NFATC1: variants seen among roughly 807,000 people sequenced by gnomAD.
NFATC1 encodes the protein nuclear factor of activated T cells 1.
Under a neutral mutation model 76.0 loss-of-function variants are expected in NFATC1, and 22 were observed. The observed-to-expected ratio is 0.29, with a 90% CI of 0.21 to 0.41. The LOEUF (loss-of-function observed/expected upper bound fraction) is 0.41, where lower values mean the gene tolerates loss of function less well. NFATC1 is among the 10% of genes least tolerant of loss of function. NFATC1 has a pLI of 1.00. For missense variants in NFATC1, 1,357 were observed against 1,337.7 expected (o/e 1.01, Z -0.23); for synonymous variants, 704 against 613.1 (o/e 1.15, Z -2.19).
In NFATC1 at chr18:79,410,288, G is replaced by A. The variant is rs925406998; in HGVS notation, c.128-115G>A. ...GTCTCAGGGACGTTTGCTGAGGCCC[G>A]CTCCTTGGGGTCCGTTGGTCGAGGC... On this transcript the variant is annotated intron_variant, in intron 1 of 9. Coordinates refer to ENST00000427363, the MANE Select transcript of NFATC1 (RefSeq NM_001278669.2). The surrounding 1 kb of genome is among the most constrained non-coding windows in gnomAD (Gnocchi z 6.7). 7.4e-6 allele frequency: 11 copies of A among 1,495,600 alleles called. No individual in the cohort carries two copies. In the Admixed American group the frequency reaches 8.3e-5, roughly 11 times the overall value. The allele number at this position is 1,495,600 out of a possible 1,614,324, so 92.6% of individuals were successfully genotyped here.
intron 6 of NFATC1, among the ~76,000 whole-genome samples, chr18:79,458,019 C>T (rs959577431): frequency 6.6e-6 from 1 of 152,308 alleles, no homozygotes; most frequent in African/African-American, 2.4e-5. Flanking sequence ...TGGAGATGAT[C>T]GTGGAAAAGC....
At chr18:79,526,560 G>T (rs2090771065) in intron 9 of NFATC1, among the ~76,000 whole-genome samples, 1 of 152,266 alleles carries the variant, frequency 6.6e-6, no homozygotes, top group South Asian at 2.1e-4. Context: ...GCCCCGCAGA[G>T]CCTTGGGCGA....
At chr18:79,412,360 G>A (rs928465627) in intron 2 of NFATC1, among the ~76,000 whole-genome samples, 3 of 152,112 alleles carry the variant, frequency 2.0e-5, no homozygotes, top group Admixed American at 6.5e-5. Context: ...CGTCAGGGCT[G>A]CCGCTGTGTC....
At chr18:79,438,329 C>T (rs1321373212) in intron 3 of NFATC1, among the ~76,000 whole-genome samples, 3 of 152,338 alleles carry the variant, frequency 2.0e-5, no homozygotes, top group Admixed American at 6.5e-5. Context: ...CCGGAGGTGG[C>T]CGGGAAGGGC....
At chr18:79,425,709 A>G (rs2144607907) in intron 2 of NFATC1, among the ~76,000 whole-genome samples, 1 of 152,276 alleles carries the variant, frequency 6.6e-6, no homozygotes, top group Non-Finnish European at 1.5e-5. Context: ...GATGCTGGGG[A>G]CGTGGCCTTT....
chr18:79,439,035 G>C (rs570774442), intron 3 of NFATC1, among the ~76,000 whole-genome samples: 1 of 152,340 alleles, frequency 6.6e-6, no homozygotes, highest in East Asian at 1.9e-4. Context: ...TTCTCACTTT[G>C]TGTGGTACCT....
In NFATC1 at chr18:79,411,202, C is replaced by T; in HGVS notation, c.927C>T (p.Ser309=). 2 of 1,610,092 alleles carry T rather than the reference C, an allele frequency of 1.2e-6. No homozygotes were observed. Among genetic ancestry groups the T allele is most frequent in the East Asian group, 2.2e-5 (1 of 44,864 alleles). The change falls in exon 2 of 10, where the codon AGC becomes AGT. Residue 309 remains serine, a synonymous_variant. Coordinates refer to ENST00000427363, the MANE Select transcript of NFATC1 (RefSeq NM_001278669.2). ...TGGGCAACACCACCCAGTACACCAG[C>T]TCGGCCATCGTGGCCGCCATCAACG... is the stretch of plus-strand genomic sequence containing the variant. ...SWLGNTTQYT[S]SAIVAAINAL...
intron 8 of NFATC1, among the ~76,000 whole-genome samples, chr18:79,482,197 G>C (rs1252713904): frequency 7.1e-6 from 1 of 141,638 alleles, no homozygotes; most frequent in African/African-American, 2.7e-5. Context: ...AGCATGACCT[G>C]GTTCCTGGGG....
chr18:79,400,304 A>C, intron 1 of NFATC1: 1 of 1,274,070 alleles, frequency 7.8e-7, no homozygotes. Flanking sequence ...GGGTCACGTT[A>C]CGCGGAGGAC....
Position 79,524,767 on chromosome 18 carries a change from G to GC in NFATC1, c.2783-2755dup, listed in dbSNP as rs1275904109. Reference sequence around the variant, plus strand: ...CGGGGGACACACCGAGGAACTTTCCGCCCCCCGACGGGCTCTCCCACCGAG... The same window carrying GC: ...CGGGGGACACACCGAGGAACTTTCCGCCCCCCCGACGGGCTCTCCCACCGAG... On this transcript the variant is annotated intron_variant, in intron 9 of 9. Transcript: ENST00000427363. This position sits in a 1 kb window ranked among gnomAD's most constrained non-coding sequence, Gnocchi z 7.2. Among the ~76,000 whole-genome samples the GC allele has an allele frequency of 3.9e-5, 6 of 152,074 alleles. No individual in the cohort carries two copies. Among genetic ancestry groups the GC allele is most frequent in the East Asian group, 1.9e-4 (1 of 5,154 alleles).
intron 8 of NFATC1, among the ~76,000 whole-genome samples, chr18:79,485,245 A>C (rs2089460113): frequency 6.6e-6 from 1 of 152,170 alleles, no homozygotes; most frequent in South Asian, 2.1e-4. Flanking sequence ...GAGGAGACTC[A>C]CTCACAGCTT....
Position 79,410,435 on chromosome 18 carries a change from C to A in NFATC1, c.160C>A (p.Pro54Thr), listed in dbSNP as rs1336631307. 2 of 1,611,636 alleles carry A rather than the reference C, an allele frequency of 1.2e-6. No homozygotes were observed. Among genetic ancestry groups the A allele is most frequent in the South Asian group, 1.1e-5 (1 of 90,956 alleles). The stretch of plus-strand genomic sequence containing the variant: ...TGGCTATGCATCCTCCAACGTCAGC[C>A]CCGCCCTGCCGCTCCCCACGGCGCA... ...HYGYASSNVSPALPLPTAHST... is the reference protein window; with the variant it reads ...HYGYASSNVSTALPLPTAHST... Residue 54 changes from proline (P) to threonine (T), a missense_variant, in exon 2 of 10, where the codon CCC (proline) becomes ACC (threonine). Pro to Thr is a conservative substitution (Grantham distance 38). This residue lies in a region of NFATC1 where 691 missense variants were observed against 613.1 expected (regional missense o/e 1.13). Coordinates refer to ENST00000427363, the MANE Select transcript of NFATC1 (RefSeq NM_001278669.2). The surrounding 1 kb of genome is among the most constrained non-coding windows in gnomAD (Gnocchi z 6.7).
intron 2 of NFATC1, among the ~76,000 whole-genome samples, chr18:79,415,167 C>T (rs1019821346): frequency 3.9e-5 from 6 of 152,174 alleles, no homozygotes; most frequent in African/African-American, 1.4e-4. Flanking sequence ...CAGACAGTCT[C>T]TGGAGTTGCC....
rs2088426202 is a variant in NFATC1, at chr18:79,465,405, C to G, written c.1960-2045C>G. Among the ~76,000 whole-genome samples, 2 of 152,106 alleles carry G rather than the reference C, an allele frequency of 1.3e-5. No individual in the cohort carries two copies. The highest frequency in any genetic ancestry group is 1.3e-4 in the Admixed American group (2 of 15,280). On this transcript the variant is annotated intron_variant, in intron 7 of 9. Coordinates refer to ENST00000427363, the MANE Select transcript of NFATC1 (RefSeq NM_001278669.2). The surrounding 1 kb of genome is among the most constrained non-coding windows in gnomAD (Gnocchi z 4.2). Reference sequence around the variant, plus strand: ...CCACCTCCACCCATCCAGCCTGCCTCACGGGGTCCCCGCCTCCACCCAGTC... The same window carrying G: ...CCACCTCCACCCATCCAGCCTGCCTGACGGGGTCCCCGCCTCCACCCAGTC...
chr18:79,526,181 T>G (rs1213855419), intron 9 of NFATC1, among the ~76,000 whole-genome samples: 18 of 152,208 alleles, frequency 1.2e-4, no homozygotes. Flanking sequence ...ACAAGTCAGG[T>G]CCTGCGTGCC....
At position 79,409,189 on chromosome 18, in the gene NFATC1, A is replaced by G. The variant is rs1190234490; in HGVS notation, c.128-1214A>G. On this transcript the variant is annotated intron_variant, in intron 1 of 9. Transcript: ENST00000427363. The stretch of plus-strand genomic sequence containing the variant: ...ATCATCATCCATCCATCATCAAACC[A>G]TTGTTCCTCCATTCCCTATCCATCC... Among the ~76,000 whole-genome samples, 10 of 83,160 alleles carry G rather than the reference A, an allele frequency of 1.2e-4. No individual in the cohort carries two copies. The Admixed American group carries it at 1.5e-3, about 13-fold the overall frequency. 54.6% of individuals were successfully genotyped at this position (83,160 alleles called of 152,430 possible). A position where few individuals can be genotyped will look rare whatever the true frequency, so the allele number is the denominator to read the frequency against.
At chr18:79,425,271 C>CTCTGTTTCTCTG (rs1555903020) in intron 2 of NFATC1, among the ~76,000 whole-genome samples, 6 of 111,612 alleles carry the variant, frequency 5.4e-5, no homozygotes, top group African/African-American at 1.8e-4. Context: ...GTCTCTGTCT[C>CTCTGTTTCTCTG]TCTCTCTGTC....
At chr18:79,450,745 T>G (rs1323872056) in intron 4 of NFATC1, among the ~76,000 whole-genome samples, 1 of 152,212 alleles carries the variant, frequency 6.6e-6, no homozygotes. Flanking sequence ...CCCCCTCGCC[T>G]GCGCCAATGT....
At position 79,433,484 on chromosome 18, in the gene NFATC1, G is replaced by A. The variant is rs1226911597; in HGVS notation, c.1227-95G>A. The A allele has an allele frequency of 4.2e-6, 6 of 1,442,900 alleles. No individual in the cohort carries two copies. In the South Asian group the frequency reaches 4.6e-5, roughly 11 times the overall value. 89.4% of individuals were successfully genotyped at this position (1,442,900 alleles called of 1,614,324 possible). A position where few individuals can be genotyped will look rare whatever the true frequency, so the allele number is the denominator to read the frequency against. On this transcript the variant is annotated intron_variant, in intron 2 of 9. Coordinates refer to ENST00000427363, the MANE Select transcript of NFATC1 (RefSeq NM_001278669.2). ...CAGGACGTGCACTCGCCGATGAAGT[G>A]TCCACCCAAGATGGCGACGGGTGAG...
Sources: allele counts gnomAD v4.1 joint callset (sites outside exome capture counted in the v4.1 genomes callset), GRCh38; gene constraint gnomAD v4.1.1; regional missense constraint gnomAD v4.1.1; non-coding constraint Gnocchi (gnomAD v3.1); transcripts MANE v1.5; gene names NCBI Gene and HGNC (gene_info 2026-07-23, HGNC 2026-07-21).